ANK2: variants seen among roughly 807,000 people sequenced by gnomAD.
The protein encoded by ANK2 is ankyrin 2.
Under a neutral mutation model 360.5 loss-of-function variants are expected in ANK2, and 83 were observed. That is an observed-to-expected ratio of 0.23 (90% CI 0.19 to 0.28). The LOEUF (loss-of-function observed/expected upper bound fraction) is 0.28, where lower values mean the gene tolerates loss of function less well. Among genes scored for constraint, ANK2 ranks in the 10% least tolerant of loss-of-function variants. The pLI is 1.00. For synonymous variants in ANK2, 1,740 were observed against 1,759.5 expected (o/e 0.99, Z 0.28); for missense variants, 4,201 against 4,795.7 (o/e 0.88, Z 3.66).
the ANK2 span, among the ~76,000 whole-genome samples, chr4:112,760,519 G>T: frequency 6.6e-6 from 1 of 150,548 alleles, no homozygotes; most frequent in Non-Finnish European, 1.5e-5. Flanking sequence ...TTTCTTCATT[G>T]TATTCTTTTT....
chr4:113,192,499 T>C (rs1488795457), intron 2 of ANK2, among the ~76,000 whole-genome samples: 3 of 152,148 alleles, frequency 2.0e-5, no homozygotes, highest in African/African-American at 7.2e-5. Flanking sequence ...TTATGACCCG[T>C]TTATGCATCG....
In ANK2 at chr4:113,355,783, G is replaced by A. The variant is rs1401163801; in HGVS notation, c.7165G>A (p.Val2389Ile). Residue 2389 changes from valine (V) to isoleucine (I), a missense_variant, in exon 38 of 46, where the codon GTA (valine) becomes ATA (isoleucine). Val to Ile is a conservative substitution (Grantham distance 29, BLOSUM62 3). Transcript: ENST00000357077. ...GGCCTTGCCGCTGCCTGAGGCTTCT[G>A]TAAAGACAGATACAGGAACTGAATC... Reference protein sequence around the residue: ...TKALPLPEASVKTDTGTESKP... With the variant: ...TKALPLPEASIKTDTGTESKP... The A allele has an allele frequency of 8.7e-6, 14 of 1,614,104 alleles. No homozygotes were observed. Among genetic ancestry groups the A allele is most frequent in the South Asian group, 6.6e-5 (6 of 91,082 alleles).
chr4:112,881,276 A>G (rs2076622295), intron 1 of ANK2, among the ~76,000 whole-genome samples: 1 of 152,192 alleles, frequency 6.6e-6, no homozygotes, highest in African/African-American at 2.4e-5. Flanking sequence ...CGTCTCTACC[A>G]AAAATATAAA....
chr4:113,192,017 T>C (rs189178843), intron 2 of ANK2, among the ~76,000 whole-genome samples: 11 of 152,286 alleles, frequency 7.2e-5, no homozygotes, highest in South Asian at 2.1e-4. Flanking sequence ...AAAATGAAAA[T>C]TAAGTTCAGA....
the ANK2 span, among the ~76,000 whole-genome samples, chr4:112,722,025 A>T: frequency 6.6e-6 from 1 of 152,290 alleles, no homozygotes; most frequent in African/African-American, 2.4e-5. Flanking sequence ...ACCTCATAAA[A>T]GGTTTTATTT....
At chr4:112,906,566 A>G (rs1481823880) in intron 2 of ANK2, among the ~76,000 whole-genome samples, 1 of 152,170 alleles carries the variant, frequency 6.6e-6, no homozygotes, top group East Asian at 1.9e-4. Flanking sequence ...TGGTCTAGGA[A>G]GAGGGATTAC....
chr4:112,839,370 TG>T (rs747313669), intron 1 of ANK2, among the ~76,000 whole-genome samples: 22 of 152,068 alleles, frequency 1.4e-4, no homozygotes, highest in Admixed American at 4.6e-4. Flanking sequence ...TTTTTTTCAA[TG>T]AAATCTGCTG....
intron 1 of ANK2, among the ~76,000 whole-genome samples, chr4:113,098,225 A>G (rs1392665462): frequency 1.3e-5 from 2 of 151,886 alleles, no homozygotes; most frequent in African/African-American, 4.8e-5. Flanking sequence ...AGCAGATACA[A>G]ATGAAATTTA....
At chr4:112,942,589 C>G (rs1007238915) in intron 2 of ANK2, among the ~76,000 whole-genome samples, 1 of 151,230 alleles carries the variant, frequency 6.6e-6, no homozygotes, top group Non-Finnish European at 1.5e-5. Flanking sequence ...CAAAGCAATA[C>G]TATATAAGGA....
chr4:113,283,133 C>G (rs1039172663), intron 18 of ANK2, among the ~76,000 whole-genome samples: 4 of 152,148 alleles, frequency 2.6e-5, no homozygotes, highest in African/African-American at 9.7e-5. Flanking sequence ...CTCTACATCC[C>G]CGCTTTCCTT....
the ANK2 span, among the ~76,000 whole-genome samples, chr4:112,711,677 G>A: frequency 6.6e-6 from 1 of 151,838 alleles, no homozygotes; most frequent in East Asian, 1.9e-4. Context: ...AAAATTAGCC[G>A]GGTGTAGTGG....
At chr4:113,330,992 A>T (rs1246122906) in intron 27 of ANK2, among the ~76,000 whole-genome samples, 5 of 152,166 alleles carry the variant, frequency 3.3e-5, no homozygotes, top group Admixed American at 2.0e-4. Context: ...CTATTTAGTC[A>T]CAGTTTATAT....
rs144911490 is a variant in ANK2 at position 113,165,557 on chromosome 4, G to C, written c.85-8859G>C. Among the ~76,000 whole-genome samples the C allele has an allele frequency of 3.3e-5, 5 of 152,170 alleles. No homozygotes were observed. In the South Asian group the frequency reaches 1.0e-3, roughly 32 times the overall value. ...TCAAATATATCTGTTCAAACAGTAT[G>C]GTTAGAGGTTGTATGTGGAATTCAA... is the stretch of plus-strand genomic sequence containing the variant. On this transcript the variant is annotated intron_variant, in intron 1 of 45. Transcript: ENST00000357077.
At chr4:113,332,990 G>A (rs2092810455) in intron 28 of ANK2, 64 bp from the exon 29 acceptor site, 5 of 1,607,876 alleles carry the variant, frequency 3.1e-6, no homozygotes, top group Middle Eastern at 1.8e-4. Context: ...CAACAGAGTC[G>A]AGGTGCTTGT....
At chr4:113,207,686 C>CAAAAAAAAAA (rs34818513) in intron 4 of ANK2, among the ~76,000 whole-genome samples, 10 of 101,624 alleles carry the variant, frequency 9.8e-5, no homozygotes, top group South Asian at 3.6e-4. Context: ...GATCACAAAG[C>CAAAAAAAAAA]AAAAAAAAAA....
chr4:113,070,141 G>A lies in ANK2; in HGVS notation c.84+20329G>A, dbSNP rs1052095918. ...CAGAGAACTGGTGAATAAACTCTCCGCTCCATGCCTTTCTGCTCAGAGAGG... is the reference window on the plus strand; with the variant it reads ...CAGAGAACTGGTGAATAAACTCTCCACTCCATGCCTTTCTGCTCAGAGAGG... On this transcript the variant is annotated intron_variant, in intron 1 of 45. Transcript: ENST00000357077. The A allele has an allele frequency of 5.3e-5, 8 of 152,134 alleles. No homozygotes were observed. In the South Asian group the frequency reaches 6.2e-4, roughly 12 times the overall value. 9.4% of individuals were successfully genotyped at this position (152,134 alleles called of 1,614,324 possible).
At chr4:113,040,599 A>G (rs192553019) in intron 2 of ANK2, among the ~76,000 whole-genome samples, 24 of 152,182 alleles carry the variant, frequency 1.6e-4, no homozygotes, top group Non-Finnish European at 3.4e-4. Context: ...TTCCTCCCTT[A>G]ATCATTCACT....
At chr4:112,848,041 C>T (rs920983404) in intron 1 of ANK2, among the ~76,000 whole-genome samples, 8 of 152,280 alleles carry the variant, frequency 5.3e-5, no homozygotes, top group South Asian at 2.1e-4. Flanking sequence ...AAAGAGCATG[C>T]GATTTGGAGC....
rs113791408 is a variant in ANK2, at chr4:113,162,213, C to CT, written c.85-12193dup. Reference sequence around the variant, plus strand: ...AGTCAATTTCCCCCAAGTTTTACAGCTTTTTTTTTTCTATATATGACTAAT... The same window carrying CT: ...AGTCAATTTCCCCCAAGTTTTACAGCTTTTTTTTTTTCTATATATGACTAAT... On this transcript the variant is annotated intron_variant, in intron 1 of 45. Coordinates refer to ENST00000357077, the MANE Select transcript of ANK2 (RefSeq NM_001148.6). 6.6e-3 allele frequency among the ~76,000 whole-genome samples: 989 copies of CT among 149,792 alleles called. 3 individuals carry two copies. The highest frequency in any genetic ancestry group is 0.01 in the Middle Eastern group (3 of 290).
Sources: gnomAD v4.1 joint callset for allele counts (sites outside exome capture counted in the v4.1 genomes callset) on GRCh38, gnomAD v4.1.1 for gene constraint, MANE v1.5 for transcripts, NCBI Gene and HGNC (gene_info 2026-07-23, HGNC 2026-07-21) for gene names.